SPOCK1: variants seen among roughly 807,000 people sequenced by gnomAD.
SPOCK1 encodes the protein testican-1.
Under a neutral mutation model 55.3 loss-of-function variants are expected in SPOCK1, and 23 were observed. The ratio of observed to expected loss-of-function variants is 0.42; its 90% CI spans 0.30 to 0.59. The LOEUF is 0.59. SPOCK1 is among the 20% of genes least tolerant of loss of function. The pLI is 0.22. For missense variants in SPOCK1, 499 were observed against 552.5 expected (o/e 0.90, Z 0.97); for synonymous variants, 226 against 221.0 (o/e 1.02, Z -0.20).
intron 2 of SPOCK1, among the ~76,000 whole-genome samples, chr5:137,490,239 A>G (rs1754145790): frequency 6.6e-6 from 1 of 152,218 alleles, no homozygotes; most frequent in South Asian, 2.1e-4. Context: ...CTGACGACCC[A>G]TAATGATCTG....
chr5:137,248,156 T>C (rs1756433920), intron 3 of SPOCK1, among the ~76,000 whole-genome samples: 1 of 152,212 alleles, frequency 6.6e-6, no homozygotes. Flanking sequence ...AAATTAACTA[T>C]TCTTTTGATC....
At chr5:137,108,175 T>A (rs1753402026) in intron 5 of SPOCK1, among the ~76,000 whole-genome samples, 1 of 152,208 alleles carries the variant, frequency 6.6e-6, no homozygotes, top group African/African-American at 2.4e-5. Context: ...TAAATCATCT[T>A]TTTGAACCTC....
rs551144157 is a variant in SPOCK1, at chr5:137,376,039, A to G, written c.187-108984T>C. The stretch of plus-strand genomic sequence containing the variant: ...GAATGCAATAAAACTGTTGCTGGCT[A>G]TCTCAACAACCAAGTACATGAAGTA... On this transcript the variant is annotated intron_variant, in intron 2 of 10. Transcript: ENST00000394945. 3.9e-5 allele frequency among the ~76,000 whole-genome samples: 6 copies of G among 152,362 alleles called. No homozygotes were observed. In the South Asian group the frequency reaches 1.2e-3, roughly 32 times the overall value.
chr5:137,204,300 GT>G (rs1292845042), intron 3 of SPOCK1, among the ~76,000 whole-genome samples: 1 of 152,172 alleles, frequency 6.6e-6, no homozygotes, highest in East Asian at 1.9e-4. Context: ...ATAGAAGACA[GT>G]TTTGTAAACC....
intron 2 of SPOCK1, among the ~76,000 whole-genome samples, chr5:137,331,532 G>A (rs1356410554): frequency 1.3e-5 from 2 of 152,204 alleles, no homozygotes; most frequent in East Asian, 3.8e-4. Flanking sequence ...AGTTCTGCAG[G>A]CTGTATAAGC....
At chr5:137,367,492 C>T (rs1751099372) in intron 2 of SPOCK1, among the ~76,000 whole-genome samples, 1 of 152,160 alleles carries the variant, frequency 6.6e-6, no homozygotes, top group Admixed American at 6.5e-5. Flanking sequence ...AAGAAGTTTA[C>T]AACTTAATGA....
intron 6 of SPOCK1, among the ~76,000 whole-genome samples, chr5:137,035,588 T>C (rs1751868780): frequency 6.6e-6 from 1 of 152,112 alleles, no homozygotes; most frequent in South Asian, 2.1e-4. Context: ...TGCCAGACCA[T>C]CCCTCAGGGT....
intron 2 of SPOCK1, among the ~76,000 whole-genome samples, chr5:137,345,400 C>A (rs149427732): frequency 1.2e-3 from 185 of 152,312 alleles, no homozygotes; most frequent in African/African-American, 4.3e-3. Flanking sequence ...ATATCCCCAG[C>A]TGCTTGCACC....
At chr5:137,133,139 G>C (rs936773657) in intron 4 of SPOCK1, among the ~76,000 whole-genome samples, 1 of 152,144 alleles carries the variant, frequency 6.6e-6, no homozygotes, top group Non-Finnish European at 1.5e-5. Context: ...GGAGGCTGAG[G>C]CAGGCAGATC....
intron 2 of SPOCK1, among the ~76,000 whole-genome samples, chr5:137,415,065 C>T (rs149056802): frequency 1.1e-3 from 172 of 152,196 alleles, no homozygotes; most frequent in African/African-American, 4.0e-3. Context: ...AGAGGAGATA[C>T]AAGATAGTAT....
At chr5:137,115,363 T>C (rs1212680142) in intron 4 of SPOCK1, among the ~76,000 whole-genome samples, 1 of 151,938 alleles carries the variant, frequency 6.6e-6, no homozygotes, top group Non-Finnish European at 1.5e-5. Context: ...CCGAGAAATA[T>C]GGCAAAGTTA....
chr5:137,162,125 T>C (rs1699458953), intron 3 of SPOCK1, among the ~76,000 whole-genome samples: 1 of 147,494 alleles, frequency 6.8e-6, no homozygotes. Context: ...TAGTCTCTAA[T>C]GCTTTCTTTT....
At chr5:137,167,630 C>T (rs926766690) in intron 3 of SPOCK1, among the ~76,000 whole-genome samples, 1 of 141,718 alleles carries the variant, frequency 7.1e-6, no homozygotes, top group Non-Finnish European at 1.6e-5. Context: ...CTTCTCTGAC[C>T]ACAATGGAAT....
intron 5 of SPOCK1, among the ~76,000 whole-genome samples, chr5:137,111,856 A>T (rs1165282920): frequency 6.6e-6 from 1 of 152,112 alleles, no homozygotes; most frequent in Non-Finnish European, 1.5e-5. Flanking sequence ...TTTTTCTGTG[A>T]AACAATTTTC....
chr5:137,011,797 TG>T (rs1364362087), intron 6 of SPOCK1, among the ~76,000 whole-genome samples: 2 of 152,132 alleles, frequency 1.3e-5, no homozygotes, highest in African/African-American at 4.8e-5. Flanking sequence ...AAAGTCAAGA[TG>T]GTTCATTTGT....
At chr5:137,316,051 A>C (rs1484320050) in intron 2 of SPOCK1, among the ~76,000 whole-genome samples, 1 of 152,204 alleles carries the variant, frequency 6.6e-6, no homozygotes, top group African/African-American at 2.4e-5. Context: ...TGGGTCATTT[A>C]TAAAGGACAG....
intron 6 of SPOCK1, among the ~76,000 whole-genome samples, chr5:137,046,648 T>C (rs1222987017): frequency 4.3e-4 from 22 of 51,176 alleles, no homozygotes; most frequent in African/African-American, 1.5e-3. Flanking sequence ...CCTGCCTGAT[T>C]GCCCTGGCCA....
At chr5:137,363,487 T>C (rs1935082728) in intron 2 of SPOCK1, among the ~76,000 whole-genome samples, 6 of 152,180 alleles carry the variant, frequency 3.9e-5, no homozygotes, top group Admixed American at 3.9e-4. Context: ...GTTAAGGGCA[T>C]AGAACCTGAA....
intron 2 of SPOCK1, among the ~76,000 whole-genome samples, chr5:137,419,232 G>C (rs1349447337): frequency 1.3e-5 from 2 of 151,940 alleles, no homozygotes; most frequent in Admixed American, 6.6e-5. Flanking sequence ...AGTCAGGTAG[G>C]GTAATGCCTC....
Sources: allele counts gnomAD v4.1 joint callset (sites outside exome capture counted in the v4.1 genomes callset), GRCh38; gene constraint gnomAD v4.1.1; transcripts MANE v1.5; gene names NCBI Gene and HGNC (gene_info 2026-07-23, HGNC 2026-07-21).